PCDHGB2: variants seen among roughly 807,000 people sequenced by gnomAD.
PCDHGB2 encodes the protein protocadherin gamma-B2.
Under a neutral mutation model 59.3 loss-of-function variants are expected in PCDHGB2, and 55 were observed. The ratio of observed to expected loss-of-function variants is 0.93; its 90% CI spans 0.75 to 1.16. The LOEUF is 1.16. Ranked by LOEUF, PCDHGB2 falls within the 50% of genes most tolerant of loss-of-function variation. PCDHGB2 has a pLI of 0.00. For missense variants in PCDHGB2, 1,228 were observed against 1,198.5 expected (o/e 1.02, Z -0.36); for synonymous variants, 516 against 512.0 (o/e 1.01, Z -0.11).
At chr5:141,470,511 A>T (rs1043414941) in intron 1 of PCDHGB2, among the ~76,000 whole-genome samples, 37 of 152,198 alleles carry the variant, frequency 2.4e-4, no homozygotes, top group African/African-American at 8.7e-4. Flanking sequence ...TTAGACAGTT[A>T]GCTAATATTA....
intron 1 of PCDHGB2, chr5:141,364,555 TG>T: frequency 6.2e-7 from 1 of 1,614,108 alleles, no homozygotes; most frequent in Non-Finnish European, 8.5e-7. Context: ...CGCAGCTTTT[TG>T]CCCTGAACCC....
chr5:141,383,272 G>T (rs369691483), intron 1 of PCDHGB2: 13 of 1,613,802 alleles, frequency 8.1e-6, no homozygotes, highest in African/African-American at 1.3e-5. Flanking sequence ...GGAAATAATA[G>T]ATATTAATGA....
rs539878473 is a variant in PCDHGB2 at position 141,501,595 on chromosome 5, C to T, written c.2481-3798C>T. Reference sequence around the variant, plus strand: ...GCTGGCTTTCAGGTTGCAACTCTACCAGTTCCAGCTGTGTGACTCTGGTAT... The same window carrying T: ...GCTGGCTTTCAGGTTGCAACTCTACTAGTTCCAGCTGTGTGACTCTGGTAT... On this transcript the variant is annotated intron_variant, in intron 2 of 3. Coordinates refer to ENST00000522605, the MANE Select transcript of PCDHGB2 (RefSeq NM_018923.3). Among the ~76,000 whole-genome samples the T allele has an allele frequency of 9.9e-5, 15 of 152,164 alleles. No homozygotes were observed. In the East Asian group the frequency reaches 2.9e-3, roughly 30 times the overall value.
Position 141,398,900 on chromosome 5 carries a change from G to A in PCDHGB2, c.2421+36344G>A, listed in dbSNP as rs765284630. Reference sequence around the variant, plus strand: ...AGCCTTCGGGAAAACGTGCCACCAGGCACCACTGTGTTGCAAGTGTCAGCC... The same window carrying A: ...AGCCTTCGGGAAAACGTGCCACCAGACACCACTGTGTTGCAAGTGTCAGCC... On this transcript the variant is annotated intron_variant, in intron 1 of 3. Coordinates refer to ENST00000522605, the MANE Select transcript of PCDHGB2 (RefSeq NM_018923.3). The A allele has an allele frequency of 3.1e-6, 5 of 1,613,846 alleles. No individual in the cohort carries two copies. In the East Asian group the frequency reaches 6.7e-5, roughly 22 times the overall value.
chr5:141,395,057 T>A (rs2093157144), intron 1 of PCDHGB2: 1 of 1,614,042 alleles, frequency 6.2e-7, no homozygotes, highest in Non-Finnish European at 8.5e-7. Context: ...AGGTACAGGC[T>A]TTCCTGCAGA....
intron 1 of PCDHGB2, chr5:141,382,766 G>C (rs1015953757): frequency 5.7e-6 from 4 of 705,490 alleles, no homozygotes; most frequent in Admixed American, 2.7e-5. Flanking sequence ...CCTCTTCCAG[G>C]CTGCACTAAA....
chr5:141,472,980 C>CAAAAAAAAAAAAAAAAAAAAA (rs60579131), intron 1 of PCDHGB2, among the ~76,000 whole-genome samples: 3 of 86,094 alleles, frequency 3.5e-5, no homozygotes, highest in Non-Finnish European at 5.0e-5. Context: ...GAGTGAAACT[C>CAAAAAAAAAAAAAAAAAAAAA]AAAAAAAAAA....
intron 1 of PCDHGB2, chr5:141,418,959 C>A: frequency 6.2e-7 from 1 of 1,613,976 alleles, no homozygotes; most frequent in East Asian, 2.2e-5. Flanking sequence ...GTGGTTGTTG[C>A]CCTCTTCAAA....
At chr5:141,510,296 G>A (rs999749575) in intron 3 of PCDHGB2, among the ~76,000 whole-genome samples, 6 of 149,608 alleles carry the variant, frequency 4.0e-5, no homozygotes, top group African/African-American at 1.5e-4. Flanking sequence ...AAAAAATGCT[G>A]TTTTGAAATG....
chr5:141,496,192 C>T (rs942276204), intron 2 of PCDHGB2, among the ~76,000 whole-genome samples: 1 of 152,098 alleles, frequency 6.6e-6, no homozygotes, highest in Non-Finnish European at 1.5e-5. Flanking sequence ...CCCAGCTGCT[C>T]ATTTCAATCT....
At position 141,476,140 on chromosome 5, in the gene PCDHGB2, C is replaced by A. The variant is rs1410430310; in HGVS notation, c.2422-18667C>A. On this transcript the variant is annotated intron_variant, in intron 1 of 3. Coordinates refer to ENST00000522605, the MANE Select transcript of PCDHGB2 (RefSeq NM_018923.3). The surrounding 1 kb of genome is among the most constrained non-coding windows in gnomAD (Gnocchi z 7.6). ...AGATGGTCCCAGAGGCCTGGAGGAG[C>A]GGACTGGTAAGCACCGGGAGGGTAG... 6 of 1,609,222 alleles carry A rather than the reference C, an allele frequency of 3.7e-6. No homozygotes were observed. The highest frequency in any genetic ancestry group is 5.1e-6 in the Non-Finnish European group (6 of 1,178,484).
At chr5:141,363,137 AT>A (rs1429876533) in intron 1 of PCDHGB2, among the ~76,000 whole-genome samples, 1 of 152,234 alleles carries the variant, frequency 6.6e-6, no homozygotes, top group Admixed American at 6.5e-5. Context: ...GAAAGAGTGC[AT>A]TTAACAAATG....
At chr5:141,468,837 G>T in intron 1 of PCDHGB2, among the ~76,000 whole-genome samples, 1 of 152,108 alleles carries the variant, frequency 6.6e-6, no homozygotes, top group South Asian at 2.1e-4. Flanking sequence ...CTGCACTCCA[G>T]CCTGGGCAAC....
rs200512171 is a variant in PCDHGB2, at chr5:141,418,143, T to C, written c.2421+55587T>C. ...AAGGACCGAATAGACCGTGAGCAAA[T>C]ATGCAAAGAGAGAAGAAGATGTGAG... On this transcript the variant is annotated intron_variant, in intron 1 of 3. Transcript: ENST00000522605. 2.6e-4 allele frequency: 419 copies of C among 1,613,982 alleles called. 1 individual carries two copies. In the African/African-American group the frequency reaches 5.2e-3, roughly 20 times the overall value.
At chr5:141,366,097 C>G in intron 1 of PCDHGB2, 2 of 1,614,240 alleles carry the variant, frequency 1.2e-6, no homozygotes, top group African/African-American at 1.3e-5. Flanking sequence ...ACCTGGTGAC[C>G]AAGGTGGTAG....
intron 3 of PCDHGB2, among the ~76,000 whole-genome samples, chr5:141,505,973 G>A (rs1207489923): frequency 6.6e-6 from 1 of 152,166 alleles, no homozygotes; most frequent in Non-Finnish European, 1.5e-5. Context: ...ATCCCCAGCC[G>A]AGAGAACACC....
At chr5:141,427,067 G>A (rs1170378664) in intron 1 of PCDHGB2, 1 of 457,930 alleles carries the variant, frequency 2.2e-6, no homozygotes, top group Non-Finnish European at 4.4e-6. Context: ...CTGTACTAAA[G>A]GTGACAGCCA....
At chr5:141,402,796 A>C in intron 1 of PCDHGB2, 1 of 1,040,680 alleles carries the variant, frequency 9.6e-7, no homozygotes, top group South Asian at 2.0e-5. Flanking sequence ...GGCTACACAA[A>C]ACCCGGCAGA....
At chr5:141,483,603 A>T (rs1277479077) in intron 1 of PCDHGB2, among the ~76,000 whole-genome samples, 1 of 152,054 alleles carries the variant, frequency 6.6e-6, no homozygotes, top group Non-Finnish European at 1.5e-5. Context: ...AGGCTGGTTT[A>T]CACCTCCATC....
Sources: allele counts gnomAD v4.1 joint callset (sites outside exome capture counted in the v4.1 genomes callset), GRCh38; gene constraint gnomAD v4.1.1; non-coding constraint Gnocchi (gnomAD v3.1); transcripts MANE v1.5; gene names NCBI Gene and HGNC (gene_info 2026-07-23, HGNC 2026-07-21).